The following CACNA2D3 variants were observed in gnomAD, a reference collection of about 807,000 sequenced individuals.
CACNA2D3 encodes calcium voltage-gated channel auxiliary subunit alpha2delta 3.
CACNA2D3 carries 60 observed loss-of-function variants against 160.6 expected under a neutral mutation model. The ratio of observed to expected loss-of-function variants is 0.37; its 90% CI spans 0.30 to 0.46. The LOEUF (loss-of-function observed/expected upper bound fraction) is 0.46. Among genes scored for constraint, CACNA2D3 ranks in the 20% least tolerant of loss-of-function variants. CACNA2D3 has a pLI of 1.00. For missense variants in CACNA2D3, 1,205 were observed against 1,365.0 expected, an observed-to-expected ratio of 0.88 and a Z score of 1.85; for synonymous variants, 558 against 492.9, an observed-to-expected ratio of 1.13 and a Z score of -1.75.
intron 3 of CACNA2D3, among the ~76,000 whole-genome samples, chr3:54,329,556 C>G (rs1704199221): frequency 6.6e-6 from 1 of 152,162 alleles, no homozygotes; most frequent in African/African-American, 2.4e-5. Flanking sequence ...GATGTTTGTC[C>G]CAGTTCTGAT....
chr3:54,333,803 T>G (rs1407300592), intron 3 of CACNA2D3, among the ~76,000 whole-genome samples: 1 of 152,224 alleles, frequency 6.6e-6, no homozygotes, highest in East Asian at 1.9e-4. Context: ...ATTTGGACAA[T>G]TCATGGGTGG....
intron 2 of CACNA2D3, among the ~76,000 whole-genome samples, chr3:54,296,554 T>G (rs1703346800): frequency 6.6e-6 from 1 of 152,228 alleles, no homozygotes. Flanking sequence ...CCGTGCTCGC[T>G]TTTATTCACT....
intron 2 of CACNA2D3, among the ~76,000 whole-genome samples, chr3:54,279,574 G>T (rs1007507097): frequency 6.6e-6 from 1 of 152,188 alleles, no homozygotes; most frequent in Non-Finnish European, 1.5e-5. Flanking sequence ...TCCTTGTGGC[G>T]CAGGAAGGTT....
At chr3:54,732,267 G>T (rs187500802) in intron 11 of CACNA2D3, among the ~76,000 whole-genome samples, 1 of 152,352 alleles carries the variant, frequency 6.6e-6, no homozygotes, top group Non-Finnish European at 1.5e-5. Context: ...ACATGTTTTT[G>T]TAATTAGCCA....
intron 13 of CACNA2D3, among the ~76,000 whole-genome samples, chr3:54,807,820 G>A (rs1185955163): frequency 1.3e-5 from 2 of 151,238 alleles, no homozygotes; most frequent in African/African-American, 4.9e-5. Context: ...GTCCAACAAT[G>A]ATAGACTGGA....
chr3:54,237,927 G>T (rs571259442), intron 2 of CACNA2D3, among the ~76,000 whole-genome samples: 1 of 152,160 alleles, frequency 6.6e-6, no homozygotes, highest in Non-Finnish European at 1.5e-5. Flanking sequence ...TTTCTTTACT[G>T]CAGGACTTTT....
chr3:54,256,710 C>G (rs1271714928), intron 2 of CACNA2D3, among the ~76,000 whole-genome samples: 7 of 144,542 alleles, frequency 4.8e-5, no homozygotes, highest in Non-Finnish European at 1.0e-4. Context: ...CGAAATAAAG[C>G]ATGTTCTTCT....
At chr3:54,285,544 G>A (rs537239361) in intron 2 of CACNA2D3, among the ~76,000 whole-genome samples, 10 of 152,344 alleles carry the variant, frequency 6.6e-5, no homozygotes, top group Admixed American at 2.6e-4. Context: ...AACCTCTGCA[G>A]ACTTAAATGT....
At chr3:54,452,248 G>C (rs925284173) in intron 4 of CACNA2D3, among the ~76,000 whole-genome samples, 3 of 152,154 alleles carry the variant, frequency 2.0e-5, no homozygotes, top group Non-Finnish European at 2.9e-5. Flanking sequence ...ATGGTGGCAG[G>C]CAAGAGAGCT....
rs574978721 is a variant in CACNA2D3, at chr3:54,160,146, G to T, written c.204+36552G>T. Among the ~76,000 whole-genome samples the T allele has an allele frequency of 1.9e-3, 288 of 152,292 alleles. 3 individuals are homozygous for T. The highest frequency in any genetic ancestry group is 6.6e-3 in the African/African-American group (273 of 41,562). ...GGTTTTCCACATGGTCTGCACAGGA[G>T]AATATTTTGGGAACTTTTAAGAATC... On this transcript the variant is annotated intron_variant, in intron 2 of 37. Transcript: ENST00000474759.
intron 4 of CACNA2D3, among the ~76,000 whole-genome samples, chr3:54,462,420 G>T (rs1369159824): frequency 6.6e-6 from 1 of 152,192 alleles, no homozygotes; most frequent in African/African-American, 2.4e-5. Context: ...AAGTCTCTTT[G>T]TATGTCACTC....
chr3:54,687,121 C>CTTTTTTTTTTTTTTTTTTTTTTTTTTTT (rs757838355), intron 11 of CACNA2D3, among the ~76,000 whole-genome samples: 3 of 94,928 alleles, frequency 3.2e-5, no homozygotes, highest in Non-Finnish European at 4.2e-5. Flanking sequence ...TTTTCTTTTT[C>CTTTTTTTTTTTTTTTTTTTTTTTTTTTT]TTTTTTTTTT....
At chr3:54,332,130 TCAA>T (rs761181533) in intron 3 of CACNA2D3, among the ~76,000 whole-genome samples, 50 of 152,288 alleles carry the variant, frequency 3.3e-4, no homozygotes, top group Non-Finnish European at 6.6e-4. Flanking sequence ...TAAGCCTTCA[TCAA>T]CAACAACACA....
At chr3:54,342,518 A>G (rs534690421) in intron 3 of CACNA2D3, among the ~76,000 whole-genome samples, 1 of 152,292 alleles carries the variant, frequency 6.6e-6, no homozygotes. Flanking sequence ...GGAGTGGGGT[A>G]GATCATCCCG....
intron 2 of CACNA2D3, among the ~76,000 whole-genome samples, chr3:54,223,851 CA>C (rs60397787): frequency 5.0e-3 from 480 of 96,690 alleles, no homozygotes; most frequent in African/African-American, 0.011. Context: ...GACTCTGTCT[CA>C]AAAAAAAAAA....
chr3:54,324,839 C>A (rs936140026), intron 3 of CACNA2D3, among the ~76,000 whole-genome samples: 3 of 152,148 alleles, frequency 2.0e-5, no homozygotes. Flanking sequence ...AGGATATGCA[C>A]CAGTCCTCTG....
intron 11 of CACNA2D3, among the ~76,000 whole-genome samples, chr3:54,742,771 T>A (rs1002160732): frequency 6.6e-6 from 1 of 152,222 alleles, no homozygotes; most frequent in African/African-American, 2.4e-5. Context: ...GGCTTCCATC[T>A]AGAATCAAGA....
intron 2 of CACNA2D3, among the ~76,000 whole-genome samples, chr3:54,189,468 A>T (rs1371440247): frequency 1.3e-5 from 2 of 152,158 alleles, no homozygotes; most frequent in African/African-American, 4.8e-5. Context: ...TCTCCAGACA[A>T]GTTTATTCCT....
intron 2 of CACNA2D3, among the ~76,000 whole-genome samples, chr3:54,238,190 T>G (rs980146749): frequency 2.0e-5 from 3 of 152,284 alleles, no homozygotes; most frequent in African/African-American, 7.2e-5. Flanking sequence ...TCCATATCAT[T>G]CTTCCTCACT....
Sources: allele counts gnomAD v4.1 joint callset (sites outside exome capture counted in the v4.1 genomes callset), GRCh38; gene constraint gnomAD v4.1.1; transcripts MANE v1.5; gene names NCBI Gene and HGNC (gene_info 2026-07-23, HGNC 2026-07-21).